Variants in SYNE1 observed in about 807,000 individuals in gnomAD.
SYNE1 encodes the protein spectrin repeat containing nuclear envelope protein 1, also known as nesprin-1.
In SYNE1, 616 loss-of-function variants were observed where a neutral mutation model predicts 1,111.0. The ratio of observed to expected loss-of-function variants is 0.55; its 90% CI spans 0.52 to 0.59. SYNE1 has a LOEUF of 0.59. Ranked by LOEUF, SYNE1 falls within the 20% of genes least tolerant of loss-of-function variation. The pLI, the probability that SYNE1 is intolerant of heterozygous loss-of-function variation, is 0.00. For missense variants in SYNE1, 10,006 were observed against 10,417.0 expected (o/e 0.96, Z 1.72); for synonymous variants, 3,855 against 3,825.8 (o/e 1.01, Z -0.28).
chr6:152,606,221 G>T (rs1234918128), intron 3 of SYNE1, among the ~76,000 whole-genome samples: 3 of 152,058 alleles, frequency 2.0e-5, no homozygotes, highest in Non-Finnish European at 4.4e-5. Flanking sequence ...CTGGCATGAG[G>T]ATTAAAGTGA....
At chr6:152,237,218 C>T (rs532986416) in intron 108 of SYNE1, among the ~76,000 whole-genome samples, 102 of 151,726 alleles carry the variant, frequency 6.7e-4, no homozygotes, top group South Asian at 1.7e-3. Flanking sequence ...CTTTTCCATA[C>T]GTTACAATGG....
intron 126 of SYNE1, among the ~76,000 whole-genome samples, chr6:152,205,329 C>T (rs895631269): frequency 6.6e-6 from 1 of 152,118 alleles, no homozygotes; most frequent in Non-Finnish European, 1.5e-5. Flanking sequence ...ATGATAATCA[C>T]TATCATTCAT....
At chr6:152,191,151 T>A (rs920446710) in intron 127 of SYNE1, among the ~76,000 whole-genome samples, 2 of 152,224 alleles carry the variant, frequency 1.3e-5, no homozygotes, top group East Asian at 1.9e-4. Flanking sequence ...ATCTTTTTAA[T>A]GCACAGTTAA....
intron 102 of SYNE1, among the ~76,000 whole-genome samples, chr6:152,256,063 C>A (rs1167464769): frequency 3.3e-5 from 5 of 151,952 alleles, no homozygotes; most frequent in African/African-American, 1.2e-4. Flanking sequence ...CGTGCCACTG[C>A]ACTCTAGCCT....
intron 105 of SYNE1, among the ~76,000 whole-genome samples, chr6:152,247,744 T>TAC (rs1469095564): frequency 3.0e-5 from 3 of 99,072 alleles, no homozygotes; most frequent in Admixed American, 1.1e-4. Context: ...TATATATATA[T>TAC]ATATATACAC....
Position 152,527,426 on chromosome 6 carries a change from A to G in SYNE1, c.130-1251T>C, listed in dbSNP as rs1471048853. Among the ~76,000 whole-genome samples, 5 of 152,276 alleles carry G rather than the reference A, an allele frequency of 3.3e-5. No homozygotes were observed. The East Asian group carries it at 9.6e-4, about 29-fold the overall frequency. Reference sequence around the variant, plus strand: ...TTTTGATCATTCTCTTTCAAATTCCACCATTCACGCTGCTTCTTACTTACA... The same window carrying G: ...TTTTGATCATTCTCTTTCAAATTCCGCCATTCACGCTGCTTCTTACTTACA... On this transcript the variant is annotated intron_variant, in intron 4 of 145. Coordinates refer to ENST00000367255, the MANE Select transcript of SYNE1 (RefSeq NM_182961.4).
intron 3 of SYNE1, among the ~76,000 whole-genome samples, chr6:152,619,553 T>C (rs867733367): frequency 3.9e-5 from 6 of 152,200 alleles, no homozygotes; most frequent in African/African-American, 9.6e-5. Context: ...AATTAAACAA[T>C]GATGAAAGCA....
Position 152,362,314 on chromosome 6 carries a change from T to G in SYNE1, c.10155A>C (p.Glu3385Asp). The change falls in exon 64 of 146, where the codon GAA (glutamate) becomes GAC (aspartate). Residue 3385 changes from glutamate (E) to aspartate (D), a missense_variant. Transcript: ENST00000367255. ...AACTTGTCCACTTGGAGAGAGCTCC[T>G]TCGAGTTGGCTGAAAGGGATTTGAA... Reference protein sequence around the residue: ...SAGIRCKSQLEGALSKWTSYQ... With the variant: ...SAGIRCKSQLDGALSKWTSYQ... 6.2e-7 allele frequency: 1 copy of G among 1,614,210 alleles called. No homozygotes were observed. The highest frequency in any genetic ancestry group is 8.5e-7 in the Non-Finnish European group (1 of 1,180,034).
intron 140 of SYNE1, among the ~76,000 whole-genome samples, chr6:152,138,316 G>C (rs914816425): frequency 1.3e-5 from 2 of 151,986 alleles, no homozygotes; most frequent in Non-Finnish European, 2.9e-5. Context: ...TTCGAGACCA[G>C]CCTGGCCAAC....
intron 33 of SYNE1, chr6:152,434,318 T>G: frequency 4.5e-6 from 1 of 222,218 alleles, no homozygotes. Context: ...TACACAGCTT[T>G]TCAATAGTCC....
chr6:152,587,718 C>T lies in SYNE1; in HGVS notation c.67+40547G>A, dbSNP rs144792032. Among the ~76,000 whole-genome samples the T allele has an allele frequency of 5.9e-5, 9 of 152,268 alleles. No homozygotes were observed. In the East Asian group the frequency reaches 1.7e-3, roughly 29 times the overall value. On this transcript the variant is annotated intron_variant, in intron 3 of 145. Coordinates refer to ENST00000367255, the MANE Select transcript of SYNE1 (RefSeq NM_182961.4). ...AATATTGCTGTGTGAGATTAGGACACCTCTCTCTGATGTGTAAGGTGCAAG... is the reference window on the plus strand; with the variant it reads ...AATATTGCTGTGTGAGATTAGGACATCTCTCTCTGATGTGTAAGGTGCAAG...
Position 152,428,185 on chromosome 6 carries a change from C to T in SYNE1, c.4976+20G>A, listed in dbSNP as rs2098389054. 1 of 1,611,998 alleles carries T rather than the reference C, an allele frequency of 6.2e-7. No individual in the cohort carries two copies. The highest frequency in any genetic ancestry group is 2.2e-5 in the East Asian group (1 of 44,880). On this transcript the variant is annotated intron_variant, in intron 37 of 145. Coordinates refer to ENST00000367255, the MANE Select transcript of SYNE1 (RefSeq NM_182961.4). ...TTTCCTATTTAGTAGTGCAGCAACT[C>T]AAGGAAAAGTGCTGCTCACCTCTGC...
At position 152,141,286 on chromosome 6, in the gene SYNE1, T is replaced by C; in HGVS notation, c.25163A>G (p.Lys8388Arg). The C allele has an allele frequency of 6.2e-7, 1 of 1,614,202 alleles. No individual in the cohort carries two copies. The highest frequency in any genetic ancestry group is 1.7e-5 in the Admixed American group (1 of 60,026). ...CTCCTTCAGTTTGTGCTCCAGTCTC[T>C]TCACGGAGTCTATACTGCTACTGCA... ...GECSSSIDSV[K>R]RLEHKLKEEE... Residue 8388 changes from lysine (K) to arginine (R), a missense_variant, in exon 139 of 146, where the codon AAG becomes AGG. Around this residue, in one of 7 missense-constraint regions of SYNE1, gnomAD observed 761 missense variants for 795.5 expected, o/e 0.96. Coordinates refer to ENST00000367255, the MANE Select transcript of SYNE1 (RefSeq NM_182961.4).
chr6:152,325,389 C>T (rs752481676), intron 80 of SYNE1, 87 bp from the exon 81 acceptor site: 2 of 1,293,402 alleles, frequency 1.5e-6, no homozygotes, highest in Non-Finnish European at 2.2e-6. Flanking sequence ...TGGTAAAGCC[C>T]AAAATTCCTG....
intron 66 of SYNE1, among the ~76,000 whole-genome samples, chr6:152,357,659 T>C (rs2096860538): frequency 6.6e-6 from 1 of 152,222 alleles, no homozygotes; most frequent in Admixed American, 6.5e-5. Context: ...ATATTATTTA[T>C]AATCATCTTT....
Position 152,381,233 on chromosome 6 carries a change from C to T in SYNE1, c.8782G>A (p.Ala2928Thr). The T allele has an allele frequency of 6.2e-7, 1 of 1,614,246 alleles. No individual in the cohort carries two copies. Among genetic ancestry groups the T allele is most frequent in the Non-Finnish European group, 8.5e-7 (1 of 1,180,050 alleles). The change falls in exon 56 of 146, where the codon GCC becomes ACC. Residue 2928 changes from alanine (A) to threonine (T), a missense_variant. Ala to Thr is a moderately conservative substitution (Grantham distance 58). Transcript: ENST00000367255. The stretch of plus-strand genomic sequence containing the variant: ...CTGTCTTCCCACTGCTTCCAGTCGG[C>T]ACGCAGGGCCTGCATCTCCGTGTGC... ...LMHTEMQALRADWKQWEDSVF... is the reference protein window; with the variant it reads ...LMHTEMQALRTDWKQWEDSVF...
chr6:152,219,566 C>T lies in SYNE1; in HGVS notation c.21862-381G>A, dbSNP rs544664055. Among the ~76,000 whole-genome samples, 3 of 149,954 alleles carry T rather than the reference C, an allele frequency of 2.0e-5. No individual in the cohort carries two copies. In the East Asian group the frequency reaches 5.8e-4, roughly 29 times the overall value. ...AAATATTTTGGCAGTTTTTTTCCTG[C>T]CTCTTTATGTAATTTGTATCAAATT... On this transcript the variant is annotated intron_variant, in intron 119 of 145. Coordinates refer to ENST00000367255, the MANE Select transcript of SYNE1 (RefSeq NM_182961.4).
At chr6:152,531,755 T>C (rs1383405906) in intron 4 of SYNE1, among the ~76,000 whole-genome samples, 3 of 152,234 alleles carry the variant, frequency 2.0e-5, no homozygotes, top group African/African-American at 7.2e-5. Flanking sequence ...ACAGTATCTG[T>C]CATTTTGTGA....
At position 152,326,358 on chromosome 6, in the gene SYNE1, A is replaced by C. The variant is rs376561555; in HGVS notation, c.15231T>G (p.Ser5077=). The change falls in exon 79 of 146, where the codon TCT becomes TCG. Residue 5077 remains serine (S), a synonymous_variant. Transcript: ENST00000367255. ...TCATCCTCTGGCTCCTGAGTTCCAG[A>C]GAAGCCACTTTCTGTTCTAGGTCTT... ...GKEDLEQKVA[S]LELRSQRMSR... 1.4e-5 allele frequency: 23 copies of C among 1,614,170 alleles called. No individual in the cohort carries two copies. The highest frequency in any genetic ancestry group is 1.8e-5 in the Non-Finnish European group (21 of 1,180,016).
Sources: gnomAD v4.1 joint callset for allele counts (sites outside exome capture counted in the v4.1 genomes callset) on GRCh38, gnomAD v4.1.1 for gene constraint, gnomAD v4.1.1 regional missense constraint, MANE v1.5 for transcripts, NCBI Gene and HGNC (gene_info 2026-07-23, HGNC 2026-07-21) for gene names.